Variants in PRDM16 observed in about 807,000 individuals in gnomAD.
PRDM16 encodes histone-lysine N-methyltransferase PRDM16.
A neutral mutation model predicts 110.6 loss-of-function variants in PRDM16; 23 were observed. The observed-to-expected ratio is 0.21, with a 90% CI of 0.15 to 0.29. The LOEUF is 0.29. Among genes scored for constraint, PRDM16 ranks in the 10% least tolerant of loss-of-function variants. The pLI is 1.00. For missense variants in PRDM16, 1,615 were observed against 1,794.3 expected (o/e 0.90, Z 1.81); for synonymous variants, 799 against 781.8 (o/e 1.02, Z -0.37).
At chr1:3,405,042 A>G (rs1643536939) in intron 7 of PRDM16, among the ~76,000 whole-genome samples, 156 bp downstream of exon 7, 1 of 151,956 alleles carries the variant, frequency 6.6e-6, no homozygotes, top group African/African-American at 2.4e-5. Context: ...CTTCCGTGTG[A>G]CTAGGAAGGA....
chr1:3,409,893 G>A (rs1189829276), intron 8 of PRDM16, among the ~76,000 whole-genome samples: 1 of 129,554 alleles, frequency 7.7e-6, no homozygotes, highest in Non-Finnish European at 1.6e-5. Flanking sequence ...GTGTGCATGT[G>A]TGTGGTGTGG....
At chr1:3,084,642 C>T (rs1642108927) in intron 1 of PRDM16, among the ~76,000 whole-genome samples, 1 of 152,214 alleles carries the variant, frequency 6.6e-6, no homozygotes, top group African/African-American at 2.4e-5. Flanking sequence ...CCATTCTGCA[C>T]TTGTCCTTGA....
At position 3,425,877 on chromosome 1, in the gene PRDM16, C is replaced by T. The variant is rs1638589317; in HGVS notation, c.3109+127C>T. 5.4e-6 allele frequency: 7 copies of T among 1,294,290 alleles called. No homozygotes were observed. The highest frequency in any genetic ancestry group is 7.5e-6 in the Non-Finnish European group (7 of 939,170). The allele number at this position is 1,294,290 out of a possible 1,614,324, so 80.2% of individuals were successfully genotyped here. A position where few individuals can be genotyped will look rare whatever the true frequency, so the allele number is the denominator to read the frequency against. ...GGGCCACAGACTACCCCTCAGGAAG[C>T]CAACAGGCACCCCTCAAACCGTGGT... is the stretch of plus-strand genomic sequence containing the variant. On this transcript the variant is annotated intron_variant, in intron 13 of 16. Coordinates refer to ENST00000270722, the MANE Select transcript of PRDM16 (RefSeq NM_022114.4). The surrounding 1 kb of genome is among the most constrained non-coding windows in gnomAD (Gnocchi z 6.9).
Position 3,231,237 on chromosome 1 carries a change from C to T in PRDM16, c.388-12850C>T, listed in dbSNP as rs543675652. Among the ~76,000 whole-genome samples, 4 of 152,332 alleles carry T rather than the reference C, an allele frequency of 2.6e-5. No individual in the cohort carries two copies. The South Asian group carries it at 6.2e-4, about 24-fold the overall frequency. On this transcript the variant is annotated intron_variant, in intron 2 of 16. Transcript: ENST00000270722. ...CTGCCATCACCCTTACTAGGTTAAT[C>T]GCCACAAGAGGCTTTTGGTCCGCAA...
intron 3 of PRDM16, among the ~76,000 whole-genome samples, chr1:3,298,411 G>A (rs114780419): frequency 0.031 from 4,687 of 152,314 alleles, 100 homozygotes; most frequent in Middle Eastern, 0.071. Context: ...TGCCTCTGAC[G>A]GCCGACACCA....
intron 1 of PRDM16, among the ~76,000 whole-genome samples, chr1:3,134,606 AAG>A (rs1643399819): frequency 6.6e-6 from 1 of 152,240 alleles, no homozygotes; most frequent in African/African-American, 2.4e-5. Flanking sequence ...AAATAGGAAA[AAG>A]AACCGTGAAA....
chr1:3,181,138 GGTCTTACACA>G (rs1644160526), intron 1 of PRDM16, among the ~76,000 whole-genome samples: 2 of 112,776 alleles, frequency 1.8e-5, no homozygotes, highest in African/African-American at 6.8e-5. Context: ...TCTTACACGC[GGTCTTACACA>G]CGCAGTCTTA....
chr1:3,118,383 G>C (rs1643017352), intron 1 of PRDM16, among the ~76,000 whole-genome samples: 1 of 152,182 alleles, frequency 6.6e-6, no homozygotes, highest in South Asian at 2.1e-4. Context: ...CCCCTCGGAA[G>C]CGTGACAGCC....
intron 3 of PRDM16, among the ~76,000 whole-genome samples, chr1:3,252,873 C>T (rs1235404338): frequency 2.0e-5 from 3 of 152,138 alleles, no homozygotes; most frequent in Admixed American, 6.5e-5. Flanking sequence ...CAGCCTTGTA[C>T]TGCGGGGTGG....
intron 14 of PRDM16, among the ~76,000 whole-genome samples, chr1:3,427,343 G>A (rs1638638937): frequency 6.6e-6 from 1 of 152,172 alleles, no homozygotes; most frequent in South Asian, 2.1e-4. Flanking sequence ...TCTACAGAAG[G>A]GAAAACGGGG....
intron 12 of PRDM16, among the ~76,000 whole-genome samples, chr1:3,421,369 C>T (rs952648276): frequency 2.0e-5 from 3 of 152,202 alleles, no homozygotes; most frequent in Non-Finnish European, 4.4e-5. Context: ...CAAGGCCCTC[C>T]GCATTGCACC....
intron 2 of PRDM16, among the ~76,000 whole-genome samples, chr1:3,239,791 A>T (rs1639619051): frequency 6.6e-6 from 1 of 152,002 alleles, no homozygotes; most frequent in Non-Finnish European, 1.5e-5. Flanking sequence ...TCTACAAAAA[A>T]TACAAAAAAT....
intron 3 of PRDM16, chr1:3,309,869 A>T (rs1223882606): frequency 6.6e-6 from 1 of 152,166 alleles, no homozygotes; most frequent in Non-Finnish European, 1.5e-5. Flanking sequence ...GGCCCCCTTG[A>T]GGGAGTCCTT....
intron 2 of PRDM16, among the ~76,000 whole-genome samples, chr1:3,241,169 G>C (rs1003952299): frequency 5.2e-5 from 8 of 152,388 alleles, no homozygotes; most frequent in African/African-American, 1.9e-4. Flanking sequence ...CCAGGCGGGC[G>C]GTGAGATGGG....
intron 5 of PRDM16, among the ~76,000 whole-genome samples, chr1:3,397,464 T>A (rs922301526): frequency 3.3e-5 from 5 of 152,234 alleles, no homozygotes; most frequent in African/African-American, 1.2e-4. Context: ...CATGAAGCCA[T>A]GTGTCCGTTC....
chr1:3,430,216 G>A (rs1451229167), intron 14 of PRDM16, among the ~76,000 whole-genome samples: 1 of 152,212 alleles, frequency 6.6e-6, no homozygotes, highest in African/African-American at 2.4e-5. Flanking sequence ...CCACACCCAT[G>A]CACGCTTTGT....
intron 6 of PRDM16, among the ~76,000 whole-genome samples, chr1:3,403,923 C>T (rs1643516160): frequency 6.6e-6 from 1 of 152,234 alleles, no homozygotes; most frequent in African/African-American, 2.4e-5. Context: ...GAACAGATGA[C>T]TGAGAAAATA....
chr1:3,098,746 A>G (rs1185698439), intron 1 of PRDM16, among the ~76,000 whole-genome samples: 1 of 152,192 alleles, frequency 6.6e-6, no homozygotes, highest in Non-Finnish European at 1.5e-5. Flanking sequence ...AGTCTTCTGG[A>G]CAGGCCCGGG....
chr1:3,249,192 AG>A (rs1465824607), intron 3 of PRDM16, among the ~76,000 whole-genome samples: 2 of 99,382 alleles, frequency 2.0e-5, no homozygotes, highest in African/African-American at 3.9e-5. Context: ...TTCCTCCTAA[AG>A]GAGGCTGGAG....
Sources: allele counts gnomAD v4.1 joint callset (sites outside exome capture counted in the v4.1 genomes callset), GRCh38; gene constraint gnomAD v4.1.1; non-coding constraint Gnocchi (gnomAD v3.1); transcripts MANE v1.5; gene names NCBI Gene and HGNC (gene_info 2026-07-23, HGNC 2026-07-21).